MTCH1: variants seen among roughly 807,000 people sequenced by gnomAD.
MTCH1 encodes mitochondrial carrier 1.
In MTCH1, 23 loss-of-function variants were observed where a neutral mutation model predicts 49.3. That is an observed-to-expected ratio of 0.47 (90% CI 0.34 to 0.66). The LOEUF is 0.66. MTCH1 is among the 30% of genes least tolerant of loss of function. The pLI is 0.01. For synonymous variants in MTCH1, 229 were observed against 215.2 expected (o/e 1.06, Z -0.56); for missense variants, 397 against 532.1 (o/e 0.75, Z 2.50).
chr6:36,969,368 G>A (rs1712251971), intron 11 of MTCH1: 17 of 1,077,862 alleles, frequency 1.6e-5, no homozygotes, highest in Non-Finnish European at 1.9e-5. Flanking sequence ...TCTCAGCCTC[G>A]AGGCCACTCA....
chr6:36,969,267 G>A, intron 11 of MTCH1: 1 of 985,422 alleles, frequency 1.0e-6, no homozygotes, highest in Non-Finnish European at 1.2e-6. Context: ...CTCTTTCAGT[G>A]CTCATAGGGA....
chr6:36,978,875 CTTTTTTTTTTTT>C (rs11322816), intron 2 of MTCH1, among the ~76,000 whole-genome samples: 17 of 100,420 alleles, frequency 1.7e-4, no homozygotes, highest in African/African-American at 7.5e-4. Context: ...TCCCTCCCTC[CTTTTTTTTTTTT>C]TTTTTTTTTT....
chr6:36,978,021 G>A (rs1485659851), intron 4 of MTCH1, 57 bp downstream of exon 4: 1 of 1,470,976 alleles, frequency 6.8e-7, no homozygotes, highest in Non-Finnish European at 9.5e-7. Context: ...ACTTGGGGGT[G>A]AGAAATCATC....
intron 9 of MTCH1, 80 bp from the exon 10 acceptor site, chr6:36,970,553 C>G: frequency 6.2e-7 from 1 of 1,607,428 alleles, no homozygotes; most frequent in Non-Finnish European, 8.5e-7. Flanking sequence ...CACCCTGTAC[C>G]AAGACCTGCC....
intron 2 of MTCH1, among the ~76,000 whole-genome samples, chr6:36,979,005 G>C (rs1763995826): frequency 6.7e-6 from 1 of 148,664 alleles, no homozygotes; most frequent in South Asian, 2.1e-4. Context: ...CATTTTTCTT[G>C]AGGAAAAGAA....
Position 36,972,916 on chromosome 6 carries a change from C to G in MTCH1, c.762-120G>C. ...CAAAATCTTAGCATATCCAATGGCA[C>G]AGCCTTAGAAAGGAGGCCTGCAGGG... On this transcript the variant is annotated intron_variant, in intron 7 of 11. Transcript: ENST00000373627. The surrounding 1 kb of genome is among the most constrained non-coding windows in gnomAD (Gnocchi z 4.1). The G allele has an allele frequency of 4.8e-6, 5 of 1,049,336 alleles. No homozygotes were observed. Among genetic ancestry groups the G allele is most frequent in the Non-Finnish European group, 6.9e-6 (5 of 722,408 alleles). 65.0% of individuals were successfully genotyped at this position (1,049,336 alleles called of 1,614,324 possible).
upstream of MTCH1, chr6:36,986,304 C>T: frequency 1.1e-6 from 1 of 874,956 alleles, no homozygotes; most frequent in Non-Finnish European, 1.5e-6. Context: ...GCGGGTGGGA[C>T]ACGCCGGATG....
At chr6:36,969,330 C>T in intron 11 of MTCH1, 3 of 1,112,752 alleles carry the variant, frequency 2.7e-6, no homozygotes, top group South Asian at 4.8e-5. Flanking sequence ...TGCGGCTCTC[C>T]TCCCTGCTTC....
chr6:36,981,709 C>G (rs1445967733), intron 1 of MTCH1, 37 bp from the exon 2 acceptor site: 3 of 1,579,404 alleles, frequency 1.9e-6, no homozygotes, highest in Admixed American at 3.5e-5. Context: ...CGCTCAGAGT[C>G]TCGTGGTGAT....
Position 36,977,279 on chromosome 6 carries a change from G to A in MTCH1, c.650-29C>T, listed in dbSNP as rs1173688861. On this transcript the variant is annotated intron_variant, in intron 5 of 11. Transcript: ENST00000373627. This position sits in a 1 kb window ranked among gnomAD's most constrained non-coding sequence, Gnocchi z 5.4. Reference sequence around the variant, plus strand: ...AGGAAAAAAAAGAAAACACACACAGGTGATGTGGTGGGCCACACTTCATAA... The same window carrying A: ...AGGAAAAAAAAGAAAACACACACAGATGATGTGGTGGGCCACACTTCATAA... The A allele has an allele frequency of 1.2e-6, 2 of 1,612,362 alleles. No individual in the cohort carries two copies. Among genetic ancestry groups the A allele is most frequent in the African/African-American group, 1.3e-5 (1 of 74,906 alleles).
chr6:36,975,381 C>T (rs544223982), intron 7 of MTCH1, among the ~76,000 whole-genome samples: 73 of 152,364 alleles, frequency 4.8e-4, no homozygotes, highest in Non-Finnish European at 1.0e-4. Flanking sequence ...AGACCAGCCC[C>T]ACACCCACCA....
intron 1 of MTCH1, among the ~76,000 whole-genome samples, chr6:36,983,610 A>G (rs74639942): frequency 1.4e-3 from 219 of 152,304 alleles, no homozygotes; most frequent in African/African-American, 5.2e-3. Context: ...TTTCAACCTC[A>G]AATCTGTTAA....
In MTCH1 at chr6:36,977,036, C is replaced by T. The variant is rs1763904380; in HGVS notation, c.701+163G>A. Among the ~76,000 whole-genome samples the T allele has an allele frequency of 6.6e-6, 1 of 152,198 alleles. No individual in the cohort carries two copies. Among genetic ancestry groups the T allele is most frequent in the African/African-American group, 2.4e-5 (1 of 41,440 alleles). On this transcript the variant is annotated intron_variant, in intron 6 of 11. Coordinates refer to ENST00000373627, the MANE Select transcript of MTCH1 (RefSeq NM_001271641.2). This position sits in a 1 kb window ranked among gnomAD's most constrained non-coding sequence, Gnocchi z 5.4. ...ATGACGAAGAGAAAATGACCCTGGA[C>T]AGACTATTGAAGCCACTGCCACATT...
intron 1 of MTCH1, among the ~76,000 whole-genome samples, chr6:36,985,595 T>C (rs941927080): frequency 3.9e-5 from 6 of 152,072 alleles, no homozygotes; most frequent in Non-Finnish European, 7.4e-5. Context: ...CCAAATCGCT[T>C]GTTCCTTCCA....
chr6:36,969,871 T>C (rs2140937), intron 11 of MTCH1, 168 bp downstream of exon 11: 82,413 of 1,542,024 alleles, frequency 0.053, 2,603 homozygotes, highest in Non-Finnish European at 0.064. Flanking sequence ...TTTCTGAAAT[T>C]ATGTAAGATG....
In MTCH1 at chr6:36,986,075, C is replaced by T. The variant is rs942726675; in HGVS notation, c.99G>A (p.Ala33=). 8 of 1,430,072 alleles carry T rather than the reference C, an allele frequency of 5.6e-6. No individual in the cohort carries two copies. The highest frequency in any genetic ancestry group is 3.2e-5 in the Admixed American group (1 of 31,486). The allele number at this position is 1,430,072 out of a possible 1,614,324, so 88.6% of individuals were successfully genotyped here. A position where few individuals can be genotyped will look rare whatever the true frequency, so the allele number is the denominator to read the frequency against. ...GAGAGARGGA[A]AGVEARARDP... ...CGCGAGCTCGAGCCTCGACCCCCGCCGCCGCTCCGCCGCGAGCTCCGGCTC... is the reference window on the plus strand; with the variant it reads ...CGCGAGCTCGAGCCTCGACCCCCGCTGCCGCTCCGCCGCGAGCTCCGGCTC... The change falls in exon 1 of 12, where the codon GCG becomes GCA. Residue 33 remains alanine (A), a synonymous_variant. Transcript: ENST00000373627.
intron 1 of MTCH1, among the ~76,000 whole-genome samples, chr6:36,985,541 CCA>C (rs1179136748): frequency 6.6e-6 from 1 of 152,018 alleles, no homozygotes; most frequent in African/African-American, 2.4e-5. Context: ...CCTTTATCTC[CCA>C]AATATGTTTT....
In MTCH1 at chr6:36,970,396, G is replaced by T; in HGVS notation, c.1022+10C>A. ...TAGGTAGAGTGGCAAGTAGAGGGGCGCACACCTACCCGCAGTTGTTCACAG... is the reference window on the plus strand; with the variant it reads ...TAGGTAGAGTGGCAAGTAGAGGGGCTCACACCTACCCGCAGTTGTTCACAG... On this transcript the variant is annotated intron_variant, in intron 10 of 11. Coordinates refer to ENST00000373627, the MANE Select transcript of MTCH1 (RefSeq NM_001271641.2). 1 of 1,613,928 alleles carries T rather than the reference G, an allele frequency of 6.2e-7. No homozygotes were observed. The highest frequency in any genetic ancestry group is 1.3e-5 in the African/African-American group (1 of 75,048).
chr6:36,981,213 T>C (rs1314453219), intron 2 of MTCH1, among the ~76,000 whole-genome samples: 2 of 151,674 alleles, frequency 1.3e-5, no homozygotes, highest in South Asian at 2.1e-4. Context: ...CCTGCTGGAG[T>C]AGCAGGGCCA....
Sources: allele counts gnomAD v4.1 joint callset (sites outside exome capture counted in the v4.1 genomes callset), GRCh38; gene constraint gnomAD v4.1.1; non-coding constraint Gnocchi (gnomAD v3.1); transcripts MANE v1.5; gene names NCBI Gene and HGNC (gene_info 2026-07-23, HGNC 2026-07-21).